The following C1orf159 variants were observed in gnomAD, a reference collection of about 807,000 sequenced individuals.
C1orf159 encodes uncharacterized protein C1orf159.
In C1orf159, 19 loss-of-function variants were observed where a neutral mutation model predicts 25.6. That is an observed-to-expected ratio of 0.74 (90% confidence interval 0.52 to 1.09). The LOEUF (loss-of-function observed/expected upper bound fraction) is 1.09, where lower values mean the gene tolerates loss of function less well. Ranked by LOEUF, C1orf159 falls within the 50% of genes least tolerant of loss-of-function variation. C1orf159 has a pLI of 0.00. For synonymous variants in C1orf159, 139 were observed against 124.7 expected, an observed-to-expected ratio of 1.12 and a Z score of -0.77; for missense variants, 274 against 290.6, an observed-to-expected ratio of 0.94 and a Z score of 0.42.
chr1:1,109,511 G>C (rs956787743), intron 1 of C1orf159, among the ~76,000 whole-genome samples: 2 of 152,026 alleles, frequency 1.3e-5, no homozygotes, highest in Non-Finnish European at 1.5e-5. Context: ...CTGTTGCCCA[G>C]GCTGGAGTGC....
At chr1:1,106,182 C>T (rs185056528) in intron 1 of C1orf159, 4 of 152,116 alleles carry the variant, frequency 2.6e-5, no homozygotes, top group African/African-American at 4.8e-5. Context: ...AAACAGAAAT[C>T]GAACATAAAG....
intron 3 of C1orf159, 87 bp from the exon 4 acceptor site, chr1:1,090,515 G>A: frequency 2.2e-6 from 3 of 1,349,266 alleles, no homozygotes; most frequent in South Asian, 1.3e-5. Flanking sequence ...GGTGCCGTGG[G>A]AGCACATCTC....
rs1465794492 is a variant in C1orf159, at chr1:1,089,839, C to T, written c.148+514G>A. Among the ~76,000 whole-genome samples, 5 of 152,230 alleles carry T rather than the reference C, an allele frequency of 3.3e-5. No individual in the cohort carries two copies. The highest frequency in any genetic ancestry group is 1.2e-4 in the African/African-American group (5 of 41,464). ...CAACCTCCTGACACCCAGCTGCCCCCAGACAGTCCCTTCCGCAGCCTCCCA... is the reference window on the plus strand; with the variant it reads ...CAACCTCCTGACACCCAGCTGCCCCTAGACAGTCCCTTCCGCAGCCTCCCA... On this transcript the variant is annotated intron_variant, in intron 4 of 9. Coordinates refer to ENST00000421241, the MANE Select transcript of C1orf159 (RefSeq NM_017891.5). This position sits in a 1 kb window ranked among gnomAD's most constrained non-coding sequence, Gnocchi z 7.5.
At chr1:1,083,172 G>A (rs540393817) in intron 9 of C1orf159, 185 bp from the exon 10 acceptor site, 115 of 558,378 alleles carry the variant, frequency 2.1e-4, no homozygotes, top group African/African-American at 1.5e-3. Context: ...GCTCCAGCTC[G>A]GGAAAGGGAC....
chr1:1,098,872 A>C (rs1376983623), intron 1 of C1orf159, among the ~76,000 whole-genome samples: 2 of 152,206 alleles, frequency 1.3e-5, no homozygotes, highest in Non-Finnish European at 2.9e-5. Context: ...TCGGGCTCCC[A>C]AAGTGCCTGG....
chr1:1,111,612 C>T (rs1416144280), intron 1 of C1orf159, among the ~76,000 whole-genome samples: 2 of 152,140 alleles, frequency 1.3e-5, no homozygotes, highest in African/African-American at 4.8e-5. Context: ...TAACATCTTG[C>T]AAAACAACCC....
chr1:1,090,779 C>T, intron 3 of C1orf159: 4 of 1,060,294 alleles, frequency 3.8e-6, no homozygotes, highest in Non-Finnish European at 5.7e-6. Flanking sequence ...CGCTTGACCC[C>T]ACAGAGGAAG....
rs572618851 is a variant in C1orf159, at chr1:1,091,188, T to A, written c.72+284A>T. 2.4e-4 allele frequency: 147 copies of A among 616,050 alleles called. No homozygotes were observed. The African/African-American group carries it at 2.4e-3, about 10-fold the overall frequency. 38.2% of individuals were successfully genotyped at this position (616,050 alleles called of 1,614,324 possible). ...TAGCGATGCGCGGCACGCTGTGCTG[T>A]CACCGCTGGCAGAGGTGCTCCCATT... On this transcript the variant is annotated intron_variant, in intron 3 of 9. Coordinates refer to ENST00000421241, the MANE Select transcript of C1orf159 (RefSeq NM_017891.5).
At chr1:1,094,496 G>C (rs1035811313) in intron 1 of C1orf159, among the ~76,000 whole-genome samples, 2 of 152,066 alleles carry the variant, frequency 1.3e-5, no homozygotes, top group Non-Finnish European at 2.9e-5. Context: ...CGCCTTCTGG[G>C]TTCACACCAT....
intron 1 of C1orf159, among the ~76,000 whole-genome samples, chr1:1,106,329 C>T (rs1014068390): frequency 1.3e-5 from 2 of 152,136 alleles, no homozygotes; most frequent in Non-Finnish European, 2.9e-5. Context: ...TACTCCACAC[C>T]CATTAGAATG....
rs1487779080 is a variant in C1orf159 at position 1,087,842 on chromosome 1, G to A, written c.149-245C>T. ...AGTACTCCGACCCCAAGTACTCCACGCTGCACTCTCCACGCCGAGCACCCC... is the reference window on the plus strand; with the variant it reads ...AGTACTCCGACCCCAAGTACTCCACACTGCACTCTCCACGCCGAGCACCCC... On this transcript the variant is annotated intron_variant, in intron 4 of 9. Coordinates refer to ENST00000421241, the MANE Select transcript of C1orf159 (RefSeq NM_017891.5). The surrounding 1 kb of genome is among the most constrained non-coding windows in gnomAD (Gnocchi z 8.3). Among the ~76,000 whole-genome samples the A allele has an allele frequency of 1.3e-5, 2 of 150,046 alleles. No individual in the cohort carries two copies. Among genetic ancestry groups the A allele is most frequent in the Non-Finnish European group, 3.0e-5 (2 of 67,470 alleles).
In C1orf159 at chr1:1,087,022, G is replaced by C. The variant is rs568656683; in HGVS notation, c.310+117C>G. ...GGGGCTGCCACGCTCCCCTCTGGCT[G>C]TTTTGCAGAACCCTGAGCCTGCTGT... is the stretch of plus-strand genomic sequence containing the variant. On this transcript the variant is annotated intron_variant, in intron 6 of 9. Transcript: ENST00000421241. The surrounding 1 kb of genome is among the most constrained non-coding windows in gnomAD (Gnocchi z 8.3). The C allele has an allele frequency of 5.5e-6, 6 of 1,097,804 alleles. No homozygotes were observed. The South Asian group carries it at 8.3e-5, about 15-fold the overall frequency. 68.0% of individuals were successfully genotyped at this position (1,097,804 alleles called of 1,614,324 possible).
intron 1 of C1orf159, among the ~76,000 whole-genome samples, chr1:1,112,537 A>G (rs930724378): frequency 9.2e-5 from 14 of 151,944 alleles, no homozygotes; most frequent in African/African-American, 3.4e-4. Flanking sequence ...CAGTGAACAC[A>G]ACGCGCACGC....
intron 1 of C1orf159, among the ~76,000 whole-genome samples, chr1:1,113,181 G>C (rs1196917003): frequency 6.9e-6 from 1 of 143,964 alleles, no homozygotes; most frequent in African/African-American, 2.6e-5. Context: ...GGGCGACAGA[G>C]ACAGACTCCA....
chr1:1,104,895 T>C (rs1450536320), intron 1 of C1orf159, among the ~76,000 whole-genome samples: 1 of 152,122 alleles, frequency 6.6e-6, no homozygotes, highest in Non-Finnish European at 1.5e-5. Context: ...CTACAGATCC[T>C]GGGTCTCCAA....
intron 1 of C1orf159, among the ~76,000 whole-genome samples, chr1:1,112,144 C>A (rs1292930456): frequency 1.3e-5 from 2 of 152,192 alleles, no homozygotes; most frequent in African/African-American, 2.4e-5. Flanking sequence ...TGTTAACTGT[C>A]TAAAAGAACT....
Position 1,110,583 on chromosome 1 carries a change from C to G in C1orf159, c.-136+5477G>C, listed in dbSNP as rs114012235. Among the ~76,000 whole-genome samples, 654 of 152,306 alleles carry G rather than the reference C, an allele frequency of 4.3e-3. 4 individuals are homozygous for G. Among genetic ancestry groups the G allele is most frequent in the African/African-American group, 0.015 (629 of 41,556 alleles). On this transcript the variant is annotated intron_variant, in intron 1 of 9. Coordinates refer to ENST00000421241, the MANE Select transcript of C1orf159 (RefSeq NM_017891.5). This position sits in a 1 kb window ranked among gnomAD's most constrained non-coding sequence, Gnocchi z 4.8. ...AGGGAAATGCAAACTAAAGCCTCCACGACCAAACGGCACTCAGCCTCTCGG... is the reference window on the plus strand; with the variant it reads ...AGGGAAATGCAAACTAAAGCCTCCAGGACCAAACGGCACTCAGCCTCTCGG...
intron 4 of C1orf159, among the ~76,000 whole-genome samples, chr1:1,088,766 C>G (rs1007634035): frequency 2.0e-5 from 3 of 152,172 alleles, no homozygotes; most frequent in Non-Finnish European, 2.9e-5. Context: ...ACAGACTGAT[C>G]TGAATACAAA....
intron 1 of C1orf159, among the ~76,000 whole-genome samples, chr1:1,101,169 T>G (rs938734663): frequency 6.6e-6 from 1 of 152,214 alleles, no homozygotes; most frequent in Non-Finnish European, 1.5e-5. Flanking sequence ...GCAGTTCCAC[T>G]TTCTTCTGGT....
Sources: allele counts gnomAD v4.1 joint callset (sites outside exome capture counted in the v4.1 genomes callset), GRCh38; gene constraint gnomAD v4.1.1; non-coding constraint Gnocchi (gnomAD v3.1); transcripts MANE v1.5; gene names NCBI Gene and HGNC (gene_info 2026-07-23, HGNC 2026-07-21).